Variants in CLASP1 observed in about 807,000 individuals in gnomAD.
CLASP1 encodes cytoplasmic linker associated protein 1.
CLASP1 carries 38 observed loss-of-function variants against 192.3 expected under a neutral mutation model. The observed-to-expected ratio is 0.20, with a 90% CI of 0.15 to 0.26. The LOEUF is 0.26. CLASP1 is among the 10% of genes least tolerant of loss of function. The probability of loss-of-function intolerance (pLI) is 1.00; values close to 1 mark genes in which losing one functional copy is unlikely to be tolerated. For synonymous variants in CLASP1, 691 were observed against 712.8 expected (o/e 0.97, Z 0.49); for missense variants, 1,433 against 1,932.5 (o/e 0.74, Z 4.85).
chr2:121,547,644 C>T (rs2057595596), intron 2 of CLASP1, among the ~76,000 whole-genome samples: 1 of 152,172 alleles, frequency 6.6e-6, no homozygotes, highest in Non-Finnish European at 1.5e-5. Flanking sequence ...TGCCAAGCTG[C>T]GATCTATAGC....
intron 22 of CLASP1, among the ~76,000 whole-genome samples, chr2:121,423,564 C>A (rs10496568): frequency 0.13 from 19,514 of 152,138 alleles, 1,723 homozygotes; most frequent in African/African-American, 0.24. Context: ...AACAGACATC[C>A]TATAAACTTA....
intron 5 of CLASP1, among the ~76,000 whole-genome samples, chr2:121,527,074 C>T (rs1228133843): frequency 6.6e-6 from 1 of 152,244 alleles, no homozygotes; most frequent in Non-Finnish European, 1.5e-5. Context: ...TGGGGAAAAA[C>T]TTGGCAGTAC....
rs566098014 is a variant in CLASP1 at position 121,641,479 on chromosome 2, AACT to A, written c.-286+7890_-286+7892del. On this transcript the variant is annotated intron_variant, in intron 1 of 39. Coordinates refer to ENST00000263710, the Ensembl canonical transcript of CLASP1. ...AAAAAGATCACATTCTGATGTGGAC[AACT>A]ACAACAATCTGTCCCACAAAGCAAA... is the stretch of plus-strand genomic sequence containing the variant. 2.0e-5 allele frequency among the ~76,000 whole-genome samples: 3 copies of A among 152,346 alleles called. No homozygotes were observed. The South Asian group carries it at 6.2e-4, about 32-fold the overall frequency.
At chr2:121,543,232 G>A (rs1003580925) in intron 2 of CLASP1, among the ~76,000 whole-genome samples, 1 of 152,080 alleles carries the variant, frequency 6.6e-6, no homozygotes, top group Non-Finnish European at 1.5e-5. Flanking sequence ...GAAACTTGGG[G>A]CACCTCTTAA....
chr2:121,556,936 G>GTCA (rs1443028458), intron 2 of CLASP1, among the ~76,000 whole-genome samples: 1 of 152,132 alleles, frequency 6.6e-6, no homozygotes, highest in Non-Finnish European at 1.5e-5. Flanking sequence ...CCTGTACTAG[G>GTCA]TCACAAGACC....
chr2:121,506,882 A>G (rs2093963401), intron 7 of CLASP1, among the ~76,000 whole-genome samples: 1 of 152,116 alleles, frequency 6.6e-6, no homozygotes, highest in Non-Finnish European at 1.5e-5. Flanking sequence ...CAAAGACTTT[A>G]AGGAATTCTT....
chr2:121,581,697 C>G (rs1303143534), intron 2 of CLASP1, among the ~76,000 whole-genome samples: 2 of 152,170 alleles, frequency 1.3e-5, no homozygotes, highest in Non-Finnish European at 2.9e-5. Context: ...CCAGCCTGGG[C>G]AACATGGTGA....
At chr2:121,594,922 G>A (rs2062948065) in intron 2 of CLASP1, among the ~76,000 whole-genome samples, 2 of 139,514 alleles carry the variant, frequency 1.4e-5, no homozygotes, top group African/African-American at 6.4e-5. Context: ...ACTGTTTTCT[G>A]AGGTTTTCAC....
At position 121,373,222 on chromosome 2, in the gene CLASP1, C is replaced by T. The variant is rs181826602; in HGVS notation, c.3642+4277G>A. Among the ~76,000 whole-genome samples, 31 of 152,306 alleles carry T rather than the reference C, an allele frequency of 2.0e-4. No individual in the cohort carries two copies. The East Asian group carries it at 3.9e-3, about 19-fold the overall frequency. On this transcript the variant is annotated intron_variant, in intron 34 of 39. Coordinates refer to ENST00000263710, the Ensembl canonical transcript of CLASP1. ...TAGAAGTGTGTAGCACTTCCCCCTT[C>T]GCTCTCTCTCTTGCCTTGCCACCAT...
Position 121,460,208 on chromosome 2 carries a change from A to C in CLASP1, c.1033-83T>G, listed in dbSNP as rs575966727. 32 of 1,134,622 alleles carry C rather than the reference A, an allele frequency of 2.8e-5. No homozygotes were observed. In the African/African-American group the frequency reaches 4.6e-4, roughly 16 times the overall value. The allele number at this position is 1,134,622 out of a possible 1,614,324, so 70.3% of individuals were successfully genotyped here. ...CAACAAAAGAAGTCATCAAATACAA[A>C]AGAGATCATTGTTAAAGTTCAACTG... On this transcript the variant is annotated intron_variant, in intron 11 of 39. Coordinates refer to ENST00000263710, the Ensembl canonical transcript of CLASP1.
At chr2:121,644,436 G>C (rs1362286565) in intron 1 of CLASP1, among the ~76,000 whole-genome samples, 1 of 151,884 alleles carries the variant, frequency 6.6e-6, no homozygotes, top group Non-Finnish European at 1.5e-5. Flanking sequence ...GATCACCTGA[G>C]GTCAGGAGTT....
intron 7 of CLASP1, among the ~76,000 whole-genome samples, chr2:121,506,623 A>G (rs1202785661): frequency 6.6e-6 from 1 of 152,166 alleles, no homozygotes; most frequent in Non-Finnish European, 1.5e-5. Context: ...CAGGCCCAGG[A>G]AAGACCCCTG....
At chr2:121,344,861 A>C (rs765430067) in intron 39 of CLASP1, among the ~76,000 whole-genome samples, 2 of 152,076 alleles carry the variant, frequency 1.3e-5, no homozygotes, top group Non-Finnish European at 2.9e-5. Flanking sequence ...GAGCTATTAC[A>C]TGAAAAAAAA....
At chr2:121,560,251 G>A (rs965139081) in intron 2 of CLASP1, among the ~76,000 whole-genome samples, 11 of 152,158 alleles carry the variant, frequency 7.2e-5, no homozygotes, top group African/African-American at 2.7e-4. Flanking sequence ...ATTTAACATG[G>A]GAAGATGTCT....
At chr2:121,377,690 T>C (rs1479699272) in intron 33 of CLASP1, 41 bp from the exon 35 acceptor site, 2 of 1,393,792 alleles carry the variant, frequency 1.4e-6, no homozygotes, top group Non-Finnish European at 1.9e-6. Context: ...TCGAGGCATA[T>C]ACATAGAACT....
chr2:121,570,342 G>A (rs1188296927), intron 2 of CLASP1, among the ~76,000 whole-genome samples: 1 of 152,198 alleles, frequency 6.6e-6, no homozygotes, highest in Admixed American at 6.5e-5. Context: ...CCACTAAGTA[G>A]AACACTGTTT....
At chr2:121,612,327 A>G (rs1265410229) in intron 1 of CLASP1, among the ~76,000 whole-genome samples, 1 of 150,574 alleles carries the variant, frequency 6.6e-6, no homozygotes, top group Non-Finnish European at 1.5e-5. Flanking sequence ...AAGAGGAGTT[A>G]CAGGAGGAAG....
intron 2 of CLASP1, among the ~76,000 whole-genome samples, chr2:121,590,449 TAA>T (rs1326410598): frequency 6.6e-6 from 1 of 152,224 alleles, no homozygotes; most frequent in Non-Finnish European, 1.5e-5. Flanking sequence ...AATCATCTTA[TAA>T]GTGATATAAC....
intron 15 of CLASP1, 115 bp from the exon 16 acceptor site, chr2:121,451,105 C>A: frequency 1.4e-6 from 1 of 730,388 alleles, no homozygotes. Flanking sequence ...GCCTCTGTGC[C>A]AAGGCTGGTC....
Sources: allele counts gnomAD v4.1 joint callset (sites outside exome capture counted in the v4.1 genomes callset), GRCh38; gene constraint gnomAD v4.1.1; transcripts MANE v1.5; gene names NCBI Gene and HGNC (gene_info 2026-07-23, HGNC 2026-07-21).